HEATR1: variants seen among roughly 807,000 people sequenced by gnomAD.
The protein encoded by HEATR1 is HEAT repeat containing 1, also known as HEAT repeat-containing protein 1.
HEATR1 carries 77 observed loss-of-function variants against 248.2 expected under a neutral mutation model. The ratio of observed to expected loss-of-function variants is 0.31; its 90% CI spans 0.26 to 0.37. The LOEUF is 0.37. Ranked by LOEUF, HEATR1 falls within the 10% of genes least tolerant of loss-of-function variation. HEATR1 has a pLI of 1.00. For synonymous variants in HEATR1, 897 were observed against 923.1 expected, an observed-to-expected ratio of 0.97 and a Z score of 0.51; for missense variants, 2,420 against 2,504.9, an observed-to-expected ratio of 0.97 and a Z score of 0.72.
intron 5 of HEATR1, among the ~76,000 whole-genome samples, chr1:236,597,459 G>T (rs917897563): frequency 6.6e-6 from 1 of 151,968 alleles, no homozygotes; most frequent in Non-Finnish European, 1.5e-5. Flanking sequence ...CACCATGTTG[G>T]CCAGGCTGGT....
At chr1:236,557,116 A>T in intron 37 of HEATR1, 79 bp downstream of exon 37, 1 of 1,462,722 alleles carries the variant, frequency 6.8e-7, no homozygotes, top group African/African-American at 1.4e-5. Context: ...CCCTTAAAGA[A>T]AAAACAAAAT....
Position 236,556,471 on chromosome 1 carries a change from C to T in HEATR1, c.5356-213G>A, listed in dbSNP as rs534847360. ...CCAACTTGCGATCAGGGACGAAGGC[C>T]GATGGTAGACGCAGACGCACACACA... On this transcript the variant is annotated intron_variant, in intron 37 of 44. Coordinates refer to ENST00000366582, the MANE Select transcript of HEATR1 (RefSeq NM_018072.6). Among the ~76,000 whole-genome samples, 397 of 152,242 alleles carry T rather than the reference C, an allele frequency of 2.6e-3. 3 individuals carry two copies. The highest frequency in any genetic ancestry group is 9.1e-3 in the African/African-American group (376 of 41,530).
intron 33 of HEATR1, among the ~76,000 whole-genome samples, chr1:236,560,164 G>C (rs1033415291): frequency 1.3e-5 from 2 of 150,858 alleles, no homozygotes; most frequent in African/African-American, 2.5e-5. Context: ...CTGTCCAAGT[G>C]GGGTGTTCAG....
chr1:236,573,365 C>A (rs985018954), intron 24 of HEATR1, among the ~76,000 whole-genome samples: 5 of 152,114 alleles, frequency 3.3e-5, no homozygotes, highest in African/African-American at 1.2e-4. Flanking sequence ...GATTTACTGC[C>A]CCAGAGATTC....
In HEATR1 at chr1:236,597,882, A is replaced by G; in HGVS notation, c.599T>C (p.Val200Ala). 1 of 1,608,986 alleles carries G rather than the reference A, an allele frequency of 6.2e-7. No homozygotes were observed. The highest frequency in any genetic ancestry group is 8.5e-7 in the Non-Finnish European group (1 of 1,175,726). Residue 200 changes from valine (V) to alanine (A), a missense_variant, in exon 5 of 45, where the codon GTG (valine) becomes GCG (alanine). By Grantham distance (64) the Val-to-Ala change is moderately conservative. Transcript: ENST00000366582. ...DFICSLVTKS[V>A]KVFAEYPGSS... ...CTCATGAAACAGACTGCTCACCTTC[A>G]CAGATTTTGTCACCAAACTGCAAAT...
chr1:236,564,211 A>G (rs542797632), intron 32 of HEATR1, among the ~76,000 whole-genome samples: 1 of 152,360 alleles, frequency 6.6e-6, no homozygotes, highest in East Asian at 1.9e-4. Flanking sequence ...TGTTATGAAT[A>G]TTATAAAGAT....
intron 29 of HEATR1, 128 bp downstream of exon 29, chr1:236,568,868 A>C: frequency 2.1e-6 from 1 of 473,856 alleles, no homozygotes; most frequent in Non-Finnish European, 3.3e-6. Context: ...AGGCTTTTAT[A>C]CAACTGTTGA....
intron 28 of HEATR1, among the ~76,000 whole-genome samples, chr1:236,570,631 A>G (rs775521453): frequency 1.3e-5 from 2 of 152,206 alleles, no homozygotes; most frequent in Non-Finnish European, 2.9e-5. Context: ...TATACTTTAA[A>G]TGGGTGAATT....
At chr1:236,563,273 T>C (rs1663182291) in intron 32 of HEATR1, among the ~76,000 whole-genome samples, 1 of 150,820 alleles carries the variant, frequency 6.6e-6, no homozygotes, top group Non-Finnish European at 1.5e-5. Context: ...AGTTTTTTCC[T>C]TTTTTTTATT....
At chr1:236,559,663 A>G in intron 34 of HEATR1, 51 bp downstream of exon 34, 1 of 1,546,742 alleles carries the variant, frequency 6.5e-7, no homozygotes, top group Non-Finnish European at 8.8e-7. Flanking sequence ...TTTCACAATA[A>G]TTTAAAAAAC....
chr1:236,566,183 T>A (rs1010163129), intron 30 of HEATR1, 138 bp from the exon 31 acceptor site: 4 of 759,932 alleles, frequency 5.3e-6, no homozygotes, highest in Non-Finnish European at 8.1e-6. Context: ...TACTCCCAGA[T>A]CCCATGTCTA....
At chr1:236,575,891 C>G (rs892486912) in intron 22 of HEATR1, among the ~76,000 whole-genome samples, 1 of 152,140 alleles carries the variant, frequency 6.6e-6, no homozygotes, top group Non-Finnish European at 1.5e-5. Context: ...AGAATTTTCA[C>G]TTGAAAAACA....
chr1:236,553,804 A>G (rs2275686), intron 42 of HEATR1, 65 bp from the exon 43 acceptor site: 983,051 of 1,492,006 alleles, frequency 0.66, 330,235 homozygotes, highest in Non-Finnish European at 0.7. Flanking sequence ...TTGAAAAAAT[A>G]TCCAACATAC....
Position 236,582,739 on chromosome 1 carries a change from T to C in HEATR1, c.2559A>G (p.Ile853Met), listed in dbSNP as rs750389344. 1 of 1,614,180 alleles carries C rather than the reference T, an allele frequency of 6.2e-7. No homozygotes were observed. The highest frequency in any genetic ancestry group is 1.1e-5 in the South Asian group (1 of 91,082). Reference protein sequence around the residue: ...VHFRVLMKLFIKVHLEDVFQL... With the variant: ...VHFRVLMKLFMKVHLEDVFQL... The stretch of plus-strand genomic sequence containing the variant: ...CTGAAAAGGAGGAGGCTTGTACCTT[T>C]ATGAAAAGTTTCATCAGAACTCTGA... The change falls in exon 19 of 45, where the codon ATA becomes ATG. Residue 853 changes from isoleucine to methionine, a missense_variant. Transcript: ENST00000366582.
chr1:236,568,817 T>A (rs183801740), intron 29 of HEATR1, among the ~76,000 whole-genome samples, 179 bp downstream of exon 29: 137 of 151,064 alleles, frequency 9.1e-4, no homozygotes, highest in Non-Finnish European at 1.0e-3. Context: ...TTAGCTTCAA[T>A]GTTCTAAAAC....
At chr1:236,598,106 A>C in intron 4 of HEATR1, 127 bp from the exon 5 acceptor site, 1 of 558,652 alleles carries the variant, frequency 1.8e-6, no homozygotes, top group Non-Finnish European at 3.1e-6. Flanking sequence ...CTCTCCTTAT[A>C]ACTGGTGGTG....
chr1:236,581,488 G>C, intron 19 of HEATR1, 74 bp from the exon 20 acceptor site: 1 of 1,050,536 alleles, frequency 9.5e-7, no homozygotes, highest in Non-Finnish European at 1.3e-6. Flanking sequence ...CTTCTCACTA[G>C]TGTACAATTA....
rs568135333 is a variant in HEATR1 at position 236,549,081 on chromosome 1, C to T, written c.*1821G>A. 1 of 398,286 alleles carries T rather than the reference C, an allele frequency of 2.5e-6. No individual in the cohort carries two copies. Among genetic ancestry groups the T allele is most frequent in the Non-Finnish European group, 4.4e-6 (1 of 225,904 alleles). 24.7% of individuals were successfully genotyped at this position (398,286 alleles called of 1,614,324 possible). A position where few individuals can be genotyped will look rare whatever the true frequency, so the allele number is the denominator to read the frequency against. On this transcript the variant is annotated 3_prime_UTR_variant, in exon 45 of 45. Transcript: ENST00000366582. Reference sequence around the variant, plus strand: ...CAGGCATTCATAAGGCAGGCACTATCAGAAAGTGTACGCCAACTAAGGGAC... The same window carrying T: ...CAGGCATTCATAAGGCAGGCACTATTAGAAAGTGTACGCCAACTAAGGGAC...
At position 236,558,422 on chromosome 1, in the gene HEATR1, GGTAT is replaced by G; in HGVS notation, c.5015_5018del (p.Tyr1672SerfsTer2). The stretch of plus-strand genomic sequence containing the variant: ...CAAAATTCTTGCATAAAAGCTTTAA[GGTAT>G]ACAACGCTGTCTGTCTGTTGATTGC... On this transcript the variant is annotated frameshift_variant, in exon 36 of 45. Transcript: ENST00000366582. LOFTEE classifies it high-confidence loss of function. 6.2e-7 allele frequency: 1 copy of G among 1,614,140 alleles called. No homozygotes were observed. The highest frequency in any genetic ancestry group is 8.5e-7 in the Non-Finnish European group (1 of 1,180,004).
Sources: gnomAD v4.1 joint callset for allele counts (sites outside exome capture counted in the v4.1 genomes callset) on GRCh38, gnomAD v4.1.1 for gene constraint, MANE v1.5 for transcripts, NCBI Gene and HGNC (gene_info 2026-07-23, HGNC 2026-07-21) for gene names.